The following SLC5A9 variants were observed in gnomAD, a reference collection of about 807,000 sequenced individuals.
SLC5A9 encodes the protein solute carrier family 5 member 9, also known as sodium/glucose cotransporter 4.
Under a neutral mutation model 70.9 loss-of-function variants are expected in SLC5A9, and 59 were observed. The ratio of observed to expected loss-of-function variants is 0.83; its 90% confidence interval spans 0.68 to 1.03. SLC5A9 has a LOEUF of 1.03. Among genes scored for constraint, SLC5A9 ranks in the 50% least tolerant of loss-of-function variants. SLC5A9 has a pLI of 0.00. For missense variants in SLC5A9, 832 were observed against 881.1 expected, an observed-to-expected ratio of 0.94 and a Z score of 0.71; for synonymous variants, 340 against 346.5, an observed-to-expected ratio of 0.98 and a Z score of 0.21.
At chr1:48,237,625 C>T in intron 10 of SLC5A9, 54 bp from the exon 11 acceptor site, 2 of 1,584,368 alleles carry the variant, frequency 1.3e-6, no homozygotes, top group Non-Finnish European at 1.7e-6. Flanking sequence ...CTTCACCCCA[C>T]ACCACACCAT....
chr1:48,232,088 C>G lies in SLC5A9; in HGVS notation c.834C>G (p.Ile278Met), dbSNP rs1644257109. Residue 278 changes from isoleucine to methionine, a missense_variant, in exon 7 of 14, where the codon ATC becomes ATG. By Grantham distance (10) the Ile-to-Met change is conservative. Coordinates refer to ENST00000438567, the MANE Select transcript of SLC5A9 (RefSeq NM_001011547.3). ...TTCGGGACCCTGTGAGCGGGGACAT[C>G]CCTTGGCCAGGTCTCATTTTCGGGC... The part of the protein sequence containing the change: ...HILRDPVSGD[I>M]PWPGLIFGLT... 1 of 1,614,140 alleles carries G rather than the reference C, an allele frequency of 6.2e-7. No homozygotes were observed. Among genetic ancestry groups the G allele is most frequent in the Non-Finnish European group, 8.5e-7 (1 of 1,179,998 alleles).
At position 48,237,840 on chromosome 1, in the gene SLC5A9, C is replaced by T; in HGVS notation, c.1454C>T (p.Thr485Ile). Residue 485 changes from threonine to isoleucine, a missense_variant, in exon 11 of 14, where the codon ACA (threonine) becomes ATA (isoleucine). Physicochemically the swap from Thr to Ile is moderately conservative, Grantham distance 89. Coordinates refer to ENST00000438567, the MANE Select transcript of SLC5A9 (RefSeq NM_001011547.3). The part of the protein sequence containing the change: ...FLLAIFCKRV[T>I]EPGAFWGLVF... ...CTGGCCATCTTCTGCAAGAGGGTCACAGAGCCCGTGAGTGCAGTGTACCTG... is the reference window on the plus strand; with the variant it reads ...CTGGCCATCTTCTGCAAGAGGGTCATAGAGCCCGTGAGTGCAGTGTACCTG... 1 of 1,614,088 alleles carries T rather than the reference C, an allele frequency of 6.2e-7. No homozygotes were observed. Among genetic ancestry groups the T allele is most frequent in the East Asian group, 2.2e-5 (1 of 44,868 alleles).
chr1:48,247,442 C>T lies in SLC5A9; in HGVS notation c.1945C>T (p.Leu649=). ...AGAGAAGGCTGCGCTAGAACAGAAG[C>T]TGACAAGCATTGAGGAGGAGCCACT... ...PAEKAALEQK[L]TSIEEEPLWR... is the part of the protein sequence containing the mutation. Residue 649 remains leucine, a synonymous_variant, in exon 14 of 14, where the codon CTG becomes TTG. Coordinates refer to ENST00000438567, the MANE Select transcript of SLC5A9 (RefSeq NM_001011547.3). The T allele has an allele frequency of 1.2e-6, 2 of 1,614,202 alleles. No individual in the cohort carries two copies. Among genetic ancestry groups the T allele is most frequent in the Non-Finnish European group, 1.7e-6 (2 of 1,180,030 alleles).
At chr1:48,243,810 T>C (rs1644419348) in intron 13 of SLC5A9, among the ~76,000 whole-genome samples, 1 of 152,080 alleles carries the variant, frequency 6.6e-6, no homozygotes, top group Non-Finnish European at 1.5e-5. Flanking sequence ...CAAATTAAAG[T>C]CCAAAATTAA....
intron 7 of SLC5A9, 35 bp from the exon 8 acceptor site, chr1:48,232,332 A>G: frequency 6.2e-7 from 1 of 1,611,088 alleles, no homozygotes; most frequent in South Asian, 1.1e-5. Context: ...CCTCTCCTCT[A>G]CCTGCGCTGC....
chr1:48,224,645 A>G, intron 1 of SLC5A9, 79 bp from the exon 2 acceptor site: 1 of 1,444,474 alleles, frequency 6.9e-7, no homozygotes, highest in East Asian at 2.3e-5. Flanking sequence ...CACCGAGGGG[A>G]AGGAAATCTG....
chr1:48,225,072 T>C (rs74074938), intron 2 of SLC5A9, among the ~76,000 whole-genome samples: 3,218 of 152,114 alleles, frequency 0.021, 126 homozygotes, highest in African/African-American at 0.073. Context: ...AATGTCCCTG[T>C]CCTAGAGAAG....
chr1:48,224,578 G>T, intron 1 of SLC5A9, 146 bp from the exon 2 acceptor site: 1 of 715,716 alleles, frequency 1.4e-6, no homozygotes, highest in Non-Finnish European at 2.4e-6. Context: ...TGTGGAACCA[G>T]CCTCAGGCAG....
At chr1:48,233,787 C>G (rs1453425278) in intron 9 of SLC5A9, 25 bp downstream of exon 9, 40 of 1,521,604 alleles carry the variant, frequency 2.6e-5, no homozygotes, top group Non-Finnish European at 3.4e-5. Flanking sequence ...CCCACCCCAC[C>G]CTGCACTCTC....
chr1:48,232,076 G>A lies in SLC5A9; in HGVS notation c.822G>A (p.Val274=), dbSNP rs1204663241. Residue 274 remains valine (V), a synonymous_variant, in exon 7 of 14, where the codon GTG becomes GTA. Coordinates refer to ENST00000438567, the MANE Select transcript of SLC5A9 (RefSeq NM_001011547.3). ...PDAFHILRDP[V]SGDIPWPGLI... is the part of the protein sequence containing the mutation. ...CTTTCCACATTCTTCGGGACCCTGT[G>A]AGCGGGGACATCCCTTGGCCAGGTC... is the stretch of plus-strand genomic sequence containing the variant. 1.2e-6 allele frequency: 2 copies of A among 1,614,164 alleles called. No homozygotes were observed. The highest frequency in any genetic ancestry group is 2.2e-5 in the East Asian group (1 of 44,872).
chr1:48,233,774 C>T lies in SLC5A9; in HGVS notation c.1141+12C>T. 6.3e-7 allele frequency: 1 copy of T among 1,582,962 alleles called. No homozygotes were observed. The highest frequency in any genetic ancestry group is 8.7e-7 in the Non-Finnish European group (1 of 1,153,192). On this transcript the variant is annotated intron_variant, in intron 9 of 13. Transcript: ENST00000438567. The stretch of plus-strand genomic sequence containing the variant: ...CCTCATGCCTGTTGGTGAGTCTCTT[C>T]TCCCCACCCCACCCTGCACTCTCAC...
rs537681535 is a variant in SLC5A9, at chr1:48,237,845, C to T, written c.1459C>T (p.Pro487Ser). Residue 487 changes from proline (P) to serine (S), a missense_variant and splice_region_variant, in exon 11 of 14, where the codon CCC becomes TCC. By Grantham distance (74) the Pro-to-Ser change is moderately conservative. Coordinates refer to ENST00000438567, the MANE Select transcript of SLC5A9 (RefSeq NM_001011547.3). Reference protein sequence around the residue: ...LAIFCKRVTEPGAFWGLVFGL... With the variant: ...LAIFCKRVTESGAFWGLVFGL... The stretch of plus-strand genomic sequence containing the variant: ...CATCTTCTGCAAGAGGGTCACAGAG[C>T]CCGTGAGTGCAGTGTACCTGTCTCT... The T allele has an allele frequency of 1.2e-6, 2 of 1,614,008 alleles. No homozygotes were observed. Among genetic ancestry groups the T allele is most frequent in the Admixed American group, 3.3e-5 (2 of 60,012 alleles).
chr1:48,229,185 AT>A (rs2148568516), intron 3 of SLC5A9, 109 bp from the exon 4 acceptor site: 2 of 1,613,846 alleles, frequency 1.2e-6, no homozygotes, highest in Admixed American at 1.7e-5. Flanking sequence ...CAGGTCTCTT[AT>A]TTCTCTGTTC....
rs1557471294 is a variant in SLC5A9 at position 48,230,626 on chromosome 1, C to T, written c.531C>T (p.Phe177=). 1.2e-6 allele frequency: 2 copies of T among 1,614,046 alleles called. No individual in the cohort carries two copies. The highest frequency in any genetic ancestry group is 1.7e-5 in the Admixed American group (1 of 60,020). The change falls in exon 5 of 14, where the codon TTC becomes TTT. Residue 177 remains phenylalanine, a synonymous_variant. Transcript: ENST00000438567. ...CTGACATCTTCTCTGGAGCCCTCTT[C>T]ATCCAGATGGCATTGGGCTGGAACC... ...ISTDIFSGAL[F]IQMALGWNLY...
At chr1:48,227,222 ATG>A (rs1241927913) in intron 2 of SLC5A9, among the ~76,000 whole-genome samples, 3 of 92,618 alleles carry the variant, frequency 3.2e-5, no homozygotes, top group Non-Finnish European at 6.2e-5. Context: ...GTGTGTGTGC[ATG>A]TGTGAGTGTG....
chr1:48,242,719 A>G, intron 13 of SLC5A9, 103 bp downstream of exon 13: 2 of 1,116,296 alleles, frequency 1.8e-6, no homozygotes, highest in Non-Finnish European at 2.5e-6. Context: ...GAGCCCAATA[A>G]ATATCACCCT....
At chr1:48,228,528 C>T (rs747195322) in intron 2 of SLC5A9, 5 of 314,794 alleles carry the variant, frequency 1.6e-5, no homozygotes, top group Non-Finnish European at 3.0e-5. Flanking sequence ...GCCCTCAGAC[C>T]CATGGCCTCA....
Position 48,228,971 on chromosome 1 carries a change from G to C in SLC5A9, c.339+17G>C. ...GAGTGGAACGTAAGGAAGCTGGCCT[G>C]GTTTCTCCAGAATACTGAGGGTCTA... On this transcript the variant is annotated intron_variant, in intron 3 of 13. Transcript: ENST00000438567. 1 of 1,613,228 alleles carries C rather than the reference G, an allele frequency of 6.2e-7. No homozygotes were observed.
At chr1:48,237,440 T>TAA (rs1333279298) in intron 10 of SLC5A9, among the ~76,000 whole-genome samples, 7 of 152,082 alleles carry the variant, frequency 4.6e-5, no homozygotes, top group Admixed American at 3.3e-4. Flanking sequence ...GTCTAATATA[T>TAA]AAGTGCCACG....
Sources: allele counts gnomAD v4.1 joint callset (sites outside exome capture counted in the v4.1 genomes callset), GRCh38; gene constraint gnomAD v4.1.1; transcripts MANE v1.5; gene names NCBI Gene and HGNC (gene_info 2026-07-23, HGNC 2026-07-21).